The following PNKD variants were observed in gnomAD, a reference collection of about 807,000 sequenced individuals.
PNKD encodes the protein PNKD metallo-beta-lactamase domain containing.
In PNKD, 36 loss-of-function variants were observed where a neutral mutation model predicts 45.3. The observed-to-expected ratio is 0.80, with a 90% CI of 0.61 to 1.05. PNKD has a LOEUF of 1.05. Ranked by LOEUF, PNKD falls within the 50% of genes least tolerant of loss-of-function variation. PNKD has a pLI of 0.00. For synonymous variants in PNKD, 197 were observed against 210.1 expected (o/e 0.94, Z 0.54); for missense variants, 511 against 506.6 (o/e 1.01, Z -0.08).
intron 2 of PNKD, among the ~76,000 whole-genome samples, chr2:218,321,864 G>C (rs1693994239): frequency 6.6e-6 from 1 of 151,024 alleles, no homozygotes; most frequent in Admixed American, 6.6e-5. Flanking sequence ...TTGACCTAGC[G>C]ATCCGCAGGC....
At chr2:218,285,488 A>G (rs7559416) in intron 2 of PNKD, among the ~76,000 whole-genome samples, 64,708 of 151,906 alleles carry the variant, frequency 0.43, 14,004 homozygotes, top group Middle Eastern at 0.52. Flanking sequence ...ACACCACCAC[A>G]GGGCTCACAG....
chr2:218,272,951 G>C (rs1690909778), intron 2 of PNKD: 3 of 1,451,584 alleles, frequency 2.1e-6, no homozygotes, highest in Middle Eastern at 2.5e-4. Flanking sequence ...AAAGGAACCA[G>C]GTCTGGGTTT....
intron 2 of PNKD, among the ~76,000 whole-genome samples, chr2:218,278,817 G>A (rs570943410): frequency 6.6e-6 from 1 of 152,224 alleles, no homozygotes; most frequent in Non-Finnish European, 1.5e-5. Context: ...GCAGCGCAGC[G>A]TGCACGCCAC....
At chr2:218,291,318 G>C (rs1324232951) in intron 2 of PNKD, among the ~76,000 whole-genome samples, 2 of 152,176 alleles carry the variant, frequency 1.3e-5, no homozygotes, top group East Asian at 3.8e-4. Context: ...ACAGAGAGAG[G>C]AGGCAGGTGA....
chr2:218,336,341 G>A (rs1323677856), intron 2 of PNKD, among the ~76,000 whole-genome samples: 1 of 151,730 alleles, frequency 6.6e-6, no homozygotes, highest in Admixed American at 6.6e-5. Flanking sequence ...TTCTAAGTAA[G>A]AAGCATTTAA....
chr2:218,275,265 G>T, intron 2 of PNKD: 1 of 528,274 alleles, frequency 1.9e-6, no homozygotes, highest in Non-Finnish European at 3.1e-6. Context: ...AGCCCACCAA[G>T]AGCAACAGTT....
At chr2:218,304,680 T>C (rs994657309) in intron 2 of PNKD, among the ~76,000 whole-genome samples, 3 of 152,180 alleles carry the variant, frequency 2.0e-5, no homozygotes, top group African/African-American at 7.2e-5. Context: ...GGAAAGAGCA[T>C]GGAATTGGGG....
At position 218,341,566 on chromosome 2, in the gene PNKD, G is replaced by T. The variant is rs143162613; in HGVS notation, c.557G>T (p.Arg186Leu). The T allele has an allele frequency of 1.2e-6, 2 of 1,602,522 alleles. No homozygotes were observed. The highest frequency in any genetic ancestry group is 1.7e-6 in the Non-Finnish European group (2 of 1,174,796). Reference sequence around the variant, plus strand: ...AGTGGAGGGAACCGTGACCTCAGCCGGCGGCACCGGGACTGTCGGGTGTAC... The same window carrying T: ...AGTGGAGGGAACCGTGACCTCAGCCTGCGGCACCGGGACTGTCGGGTGTAC... ...DHSGGNRDLS[R>L]RHRDCRVYGS... is the part of the protein sequence containing the mutation. The change falls in exon 6 of 10, where the codon CGG becomes CTG. Residue 186 changes from arginine (R) to leucine (L), a missense_variant. By Grantham distance (102) the Arg-to-Leu change is moderately radical. Transcript: ENST00000273077.
At chr2:218,277,703 T>C (rs1306010893) in intron 2 of PNKD, 2 of 1,613,768 alleles carry the variant, frequency 1.2e-6, no homozygotes, top group Non-Finnish European at 1.7e-6. Context: ...AATGAAACAC[T>C]TAAAAAGGAA....
At chr2:218,339,694 A>C (rs548283310) in intron 2 of PNKD, 89 bp from the exon 3 acceptor site, 1,158 of 780,112 alleles carry the variant, frequency 1.5e-3, no homozygotes, top group South Asian at 2.0e-3. Context: ...CACCAAAGGA[A>C]TGGAGATGTG....
intron 2 of PNKD, chr2:218,323,243 C>G (rs1213524803): frequency 5.5e-6 from 8 of 1,465,628 alleles, no homozygotes; most frequent in Non-Finnish European, 7.2e-6. Context: ...GAGCCCCGCC[C>G]GGCCGGCGCG....
In PNKD at chr2:218,341,532, A is replaced by G; in HGVS notation, c.525-2A>G. ...CCCCTGCCTGTCTCTGCTGTCCTGC[A>G]GGGACCACAGTGGAGGGAACCGTGA... On this transcript the variant is annotated splice_acceptor_variant, in intron 5 of 9. Transcript: ENST00000273077. LOFTEE classifies it high-confidence loss of function. 1.9e-6 allele frequency: 3 copies of G among 1,591,256 alleles called. No homozygotes were observed. Among genetic ancestry groups the G allele is most frequent in the Non-Finnish European group, 1.7e-6 (2 of 1,167,958 alleles).
intron 2 of PNKD, among the ~76,000 whole-genome samples, chr2:218,332,142 G>A (rs1231451290): frequency 2.0e-5 from 3 of 152,150 alleles, no homozygotes; most frequent in Non-Finnish European, 4.4e-5. Context: ...AGCAAAATGC[G>A]GCGCTTTAGG....
intron 2 of PNKD, among the ~76,000 whole-genome samples, chr2:218,335,338 G>T (rs990635394): frequency 6.6e-6 from 1 of 151,880 alleles, no homozygotes; most frequent in Non-Finnish European, 1.5e-5. Context: ...AAAATTAGAC[G>T]GGCGTGGTGT....
chr2:218,342,276 T>C (rs1694702835), intron 7 of PNKD, 132 bp downstream of exon 7: 2 of 757,670 alleles, frequency 2.6e-6, no homozygotes, highest in Middle Eastern at 3.6e-4. Context: ...CTTCCATCTG[T>C]GTTACTCAGA....
chr2:218,310,354 C>A (rs1176019241), intron 2 of PNKD, among the ~76,000 whole-genome samples: 1 of 151,792 alleles, frequency 6.6e-6, no homozygotes, highest in Non-Finnish European at 1.5e-5. Context: ...TCCCAAGTAG[C>A]TGGGATTACA....
chr2:218,307,104 G>A (rs1244416208), intron 2 of PNKD, among the ~76,000 whole-genome samples: 1 of 152,122 alleles, frequency 6.6e-6, no homozygotes, highest in Non-Finnish European at 1.5e-5. Flanking sequence ...CTGAAGGAGA[G>A]GGTTGGGGTC....
At chr2:218,276,978 G>A in intron 2 of PNKD, 1 of 1,598,140 alleles carries the variant, frequency 6.3e-7, no homozygotes, top group Non-Finnish European at 8.6e-7. Flanking sequence ...TGGGTTCCCT[G>A]ACCCCAGCTC....
rs61429059 is a variant in PNKD, at chr2:218,315,057, T to TCTTTCTTTCTTTCTTCCTTCCTTC, written c.237-24723_237-24722insTCTTTCTTTCTTCCTTCCTTCCTT. The stretch of plus-strand genomic sequence containing the variant: ...CTTTCTTTTTCTTTCTTTCTTTCTT[T>TCTTTCTTTCTTTCTTCCTTCCTTC]CTTCCTTCCTTCCTTCCTTTCTTTC... On this transcript the variant is annotated intron_variant, in intron 2 of 9. Transcript: ENST00000273077. 4.6e-3 allele frequency among the ~76,000 whole-genome samples: 253 copies of TCTTTCTTTCTTTCTTCCTTCCTTC among 55,574 alleles called. 41 individuals carry two copies. Among genetic ancestry groups the TCTTTCTTTCTTTCTTCCTTCCTTC allele is most frequent in the Admixed American group, 5.9e-3 (25 of 4,220 alleles). The allele number at this position is 55,574 out of a possible 152,430, so 36.5% of individuals were successfully genotyped here.
Sources: allele counts gnomAD v4.1 joint callset (sites outside exome capture counted in the v4.1 genomes callset), GRCh38; gene constraint gnomAD v4.1.1; transcripts MANE v1.5; gene names NCBI Gene and HGNC (gene_info 2026-07-23, HGNC 2026-07-21).